Variants in BRCC3 observed in about 807,000 individuals in gnomAD.
BRCC3 encodes the protein lys-63-specific deubiquitinase BRCC36.
BRCC3 carries 15 observed loss-of-function variants against 28.0 expected under a neutral mutation model. The ratio of observed to expected loss-of-function variants is 0.54; its 90% confidence interval spans 0.36 to 0.82. The LOEUF (loss-of-function observed/expected upper bound fraction) is 0.82, where lower values mean the gene tolerates loss of function less well. Ranked by LOEUF, BRCC3 falls within the 40% of genes least tolerant of loss-of-function variation. The pLI is 0.01. For synonymous variants in BRCC3, 66 were observed against 80.3 expected, an observed-to-expected ratio of 0.82 and a Z score of 0.95; for missense variants, 109 against 225.9, an observed-to-expected ratio of 0.48 and a Z score of 3.32.
intron 8 of BRCC3, 40 bp downstream of exon 8, chrX:155,116,228 CCTAG>C: frequency 1.8e-6 from 2 of 1,125,081 alleles, no homozygotes; most frequent in Non-Finnish European, 2.4e-6. Flanking sequence ...CTTCTCAGGA[CCTAG>C]TCTCTCTTTT....
chrX:155,093,501 G>A (rs1557295890), intron 7 of BRCC3, among the ~76,000 whole-genome samples: 1 of 107,985 alleles, frequency 9.3e-6, no homozygotes, highest in African/African-American at 3.3e-5. Context: ...GGTAGTCAGT[G>A]TAGGAGTCCT....
In BRCC3 at chrX:155,122,442, T is replaced by G. The variant is rs2074393448; in HGVS notation, c.*1238T>G. On this transcript the variant is annotated 3_prime_UTR_variant, in exon 11 of 11. Coordinates refer to ENST00000330045, the MANE Select transcript of BRCC3 (RefSeq NM_001018055.3). Reference sequence around the variant, plus strand: ...CACTCTGGGAAAGAGTTTATGAATTTCTTATCAAGTTAAACATAATTTTTT... The same window carrying G: ...CACTCTGGGAAAGAGTTTATGAATTGCTTATCAAGTTAAACATAATTTTTT... 8.9e-6 allele frequency: 1 copy of G among 112,366 alleles called. No individual in the cohort carries two copies. Among genetic ancestry groups the G allele is most frequent in the African/African-American group, 3.2e-5 (1 of 30,884 alleles). 9.3% of individuals were successfully genotyped at this position (112,366 alleles called of 1,213,427 possible). A position where few individuals can be genotyped will look rare whatever the true frequency, so the allele number is the denominator to read the frequency against.
At chrX:155,085,074 T>C (rs1280460134) in intron 5 of BRCC3, among the ~76,000 whole-genome samples, 4 of 112,316 alleles carry the variant, frequency 3.6e-5, no homozygotes, top group African/African-American at 1.3e-4. Context: ...AAAGATAGGC[T>C]GGATTCAGAG....
chrX:155,086,977 G>A (rs1339896925), intron 5 of BRCC3, among the ~76,000 whole-genome samples: 1 of 112,221 alleles, frequency 8.9e-6, no homozygotes, highest in Non-Finnish European at 1.9e-5. Context: ...AAGGCTGAGA[G>A]GTGGCCAGCA....
chrX:155,111,702 A>G (rs782354198), intron 7 of BRCC3, among the ~76,000 whole-genome samples: 9 of 109,573 alleles, frequency 8.2e-5, no homozygotes, highest in African/African-American at 3.0e-4. Flanking sequence ...ATTTGGCACT[A>G]ATTTCTTAAA....
At chrX:155,116,842 G>C (rs962357779) in intron 9 of BRCC3, 88 bp downstream of exon 9, 42 of 655,943 alleles carry the variant, frequency 6.4e-5, no homozygotes, top group Non-Finnish European at 9.5e-5. Context: ...GTTTAAGTGA[G>C]TGAAGTGATG....
Position 155,122,915 on chromosome X carries a change from A to G in BRCC3, c.*1711A>G, listed in dbSNP as rs2074396262. 1 of 111,609 alleles carries G rather than the reference A, an allele frequency of 9.0e-6. No individual in the cohort carries two copies. Among genetic ancestry groups the G allele is most frequent in the Admixed American group, 9.5e-5 (1 of 10,555 alleles). The allele number at this position is 111,609 out of a possible 1,213,427, so 9.2% of individuals were successfully genotyped here. A position where few individuals can be genotyped will look rare whatever the true frequency, so the allele number is the denominator to read the frequency against. On this transcript the variant is annotated 3_prime_UTR_variant, in exon 11 of 11. Coordinates refer to ENST00000330045, the MANE Select transcript of BRCC3 (RefSeq NM_001018055.3). ...TCCTTTGTGCTGATGGAACAGTTCT[A>G]TATGATTATGATGATTACGATGTTG... is the stretch of plus-strand genomic sequence containing the variant.
rs1557299246 is a variant in BRCC3 at position 155,120,097 on chromosome X, GA to G, written c.825del (p.Glu275AspfsTer16). On this transcript the variant is annotated frameshift_variant, in exon 10 of 11. Transcript: ENST00000330045. LOFTEE classifies it high-confidence loss of function. ...GGAGCAAAACCAACAGCATTTGCAGGAATTACAACAAGAAAAGGAAGAGCTT... is the reference window on the plus strand; with the variant it reads ...GGAGCAAAACCAACAGCATTTGCAGGATTACAACAAGAAAAGGAAGAGCTT... ...RLEQNQQHLQ[E>X]LQQEKEELMQ... is the part of the protein sequence containing the mutation. 8.3e-7 allele frequency: 1 copy of G among 1,207,321 alleles called. No homozygotes were observed. The highest frequency in any genetic ancestry group is 1.1e-6 in the Non-Finnish European group (1 of 892,804).
At chrX:155,075,517 T>G (rs1406735391) in intron 3 of BRCC3, among the ~76,000 whole-genome samples, 1 of 112,406 alleles carries the variant, frequency 8.9e-6, no homozygotes, top group Non-Finnish European at 1.9e-5. Context: ...CAAGCTCATC[T>G]TCTTTCCTTC....
chrX:155,113,076 T>C (rs1203796730), intron 7 of BRCC3, among the ~76,000 whole-genome samples: 3 of 106,997 alleles, frequency 2.8e-5, no homozygotes, highest in African/African-American at 1.0e-4. Context: ...AAGTGATCTG[T>C]AGATTTAATG....
At chrX:155,073,929 G>A (rs2074008623) in intron 3 of BRCC3, among the ~76,000 whole-genome samples, 1 of 111,320 alleles carries the variant, frequency 9.0e-6, no homozygotes, top group Non-Finnish European at 1.9e-5. Context: ...CCTAATCGTG[G>A]TATCGGACCA....
intron 7 of BRCC3, chrX:155,099,473 A>T: frequency 1.8e-6 from 2 of 1,131,958 alleles, no homozygotes; most frequent in Admixed American, 5.3e-5. Flanking sequence ...AAACAATTCC[A>T]CTTCCATCTC....
At chrX:155,085,306 G>C (rs782561759) in intron 5 of BRCC3, among the ~76,000 whole-genome samples, 1 of 112,817 alleles carries the variant, frequency 8.9e-6, no homozygotes, top group East Asian at 2.8e-4. Context: ...ATGGTGCTGT[G>C]TAATATCACT....
intron 7 of BRCC3, among the ~76,000 whole-genome samples, chrX:155,114,752 T>C (rs187403454): frequency 4.6e-5 from 5 of 108,195 alleles, no homozygotes; most frequent in Non-Finnish European, 9.6e-5. Flanking sequence ...AAAAAGAGAA[T>C]GAAATAGAAG....
intron 7 of BRCC3, among the ~76,000 whole-genome samples, chrX:155,096,266 A>G (rs985842549): frequency 1.8e-5 from 2 of 111,974 alleles, no homozygotes; most frequent in Non-Finnish European, 3.8e-5. Context: ...GGAAGGAAGA[A>G]TGTCGAGTAA....
intron 7 of BRCC3, among the ~76,000 whole-genome samples, chrX:155,113,977 TTGG>T (rs1206139007): frequency 4.5e-5 from 5 of 111,199 alleles, no homozygotes; most frequent in African/African-American, 1.6e-4. Flanking sequence ...ATAACAAGTG[TTGG>T]TGGGAATATG....
chrX:155,107,761 C>T (rs2074294339), intron 7 of BRCC3, among the ~76,000 whole-genome samples: 1 of 111,177 alleles, frequency 9.0e-6, no homozygotes, highest in South Asian at 3.8e-4. Context: ...TATTACTGTT[C>T]CCATGGTGTT....
intron 5 of BRCC3, among the ~76,000 whole-genome samples, chrX:155,088,385 C>T (rs1190787601): frequency 2.2e-5 from 2 of 92,389 alleles, no homozygotes; most frequent in Non-Finnish European, 4.1e-5. Context: ...CGGAGTTTTG[C>T]TCTCGTTGCC....
chrX:155,085,230 T>C (rs1379986512), intron 5 of BRCC3, among the ~76,000 whole-genome samples: 2 of 112,634 alleles, frequency 1.8e-5, no homozygotes, highest in Non-Finnish European at 3.8e-5. Flanking sequence ...GAATGTCTAT[T>C]TCAGGCAAGA....
Sources: allele counts gnomAD v4.1 joint callset (sites outside exome capture counted in the v4.1 genomes callset), GRCh38; gene constraint gnomAD v4.1.1; transcripts MANE v1.5; gene names NCBI Gene and HGNC (gene_info 2026-07-23, HGNC 2026-07-21).